OLA1: variants seen among roughly 807,000 people sequenced by gnomAD.
OLA1 encodes obg-like ATPase 1.
A neutral mutation model predicts 48.4 loss-of-function variants in OLA1; 14 were observed. That is an observed-to-expected ratio of 0.29 (90% confidence interval 0.19 to 0.45). The LOEUF (loss-of-function observed/expected upper bound fraction) is 0.45. Ranked by LOEUF, OLA1 falls within the 20% of genes least tolerant of loss-of-function variation. The pLI is 1.00. For synonymous variants in OLA1, 127 were observed against 150.4 expected (o/e 0.84, Z 1.14); for missense variants, 325 against 467.1 (o/e 0.70, Z 2.80).
chr2:174,153,734 C>G lies in OLA1; in HGVS notation c.374-11734G>C, dbSNP rs996296035. ...TTTTAGTTGCTGCAACATAGCAACT[C>G]TTTTCAAAGAAGTAGGCAAAAAAGA... is the stretch of plus-strand genomic sequence containing the variant. On this transcript the variant is annotated intron_variant, in intron 4 of 10. Coordinates refer to ENST00000284719, the MANE Select transcript of OLA1 (RefSeq NM_013341.5). 4.6e-5 allele frequency among the ~76,000 whole-genome samples: 7 copies of G among 152,296 alleles called. 1 individual carries two copies. The highest frequency in any genetic ancestry group is 4.6e-4 in the Admixed American group (7 of 15,298).
At chr2:174,101,536 G>A (rs1365884309) in intron 7 of OLA1, among the ~76,000 whole-genome samples, 2 of 152,046 alleles carry the variant, frequency 1.3e-5, no homozygotes, top group African/African-American at 4.8e-5. Context: ...TTCCTTTTAT[G>A]GTTAGTGCTT....
At chr2:174,139,994 A>G (rs566896327) in intron 5 of OLA1, among the ~76,000 whole-genome samples, 1 of 152,290 alleles carries the variant, frequency 6.6e-6, no homozygotes, top group African/African-American at 2.4e-5. Flanking sequence ...ATGCTAGAGT[A>G]TATTTAACCT....
chr2:174,187,030 C>T (rs571907033), intron 4 of OLA1, among the ~76,000 whole-genome samples: 1 of 152,262 alleles, frequency 6.6e-6, no homozygotes, highest in South Asian at 2.1e-4. Flanking sequence ...TCACAGTGAA[C>T]ACATGCCATT....
At chr2:174,137,455 T>G (rs563135894) in intron 5 of OLA1, among the ~76,000 whole-genome samples, 1 of 152,350 alleles carries the variant, frequency 6.6e-6, no homozygotes, top group Admixed American at 6.5e-5. Context: ...ACCAACCGCA[T>G]TAGCCCTTAA....
intron 7 of OLA1, among the ~76,000 whole-genome samples, chr2:174,122,613 G>A (rs1685938285): frequency 6.6e-6 from 1 of 152,114 alleles, no homozygotes; most frequent in Non-Finnish European, 1.5e-5. Context: ...ATCAGTGATA[G>A]TAACAAATCT....
At chr2:174,142,218 T>C (rs966919590) in intron 4 of OLA1, among the ~76,000 whole-genome samples, 6 of 152,180 alleles carry the variant, frequency 3.9e-5, no homozygotes, top group African/African-American at 1.4e-4. Flanking sequence ...CAAAAATTGA[T>C]TTAAATAAAT....
chr2:174,170,939 T>C (rs981280126), intron 4 of OLA1, among the ~76,000 whole-genome samples: 13 of 152,090 alleles, frequency 8.5e-5, no homozygotes, highest in African/African-American at 3.1e-4. Context: ...TGAAAGTAAA[T>C]GGATGGAAAA....
intron 7 of OLA1, among the ~76,000 whole-genome samples, chr2:174,093,452 G>A (rs1685172336): frequency 6.9e-6 from 1 of 144,090 alleles, no homozygotes; most frequent in Non-Finnish European, 1.5e-5. Flanking sequence ...CTGGGTGACA[G>A]AAGAAGACCT....
intron 7 of OLA1, among the ~76,000 whole-genome samples, chr2:174,110,967 A>G (rs10497418): frequency 0.13 from 20,028 of 152,170 alleles, 1,522 homozygotes; most frequent in East Asian, 0.21. Flanking sequence ...TAGCCAATTA[A>G]CTGTCAATCT....
chr2:174,207,394 T>G (rs1688141648), intron 4 of OLA1, among the ~76,000 whole-genome samples: 1 of 152,168 alleles, frequency 6.6e-6, no homozygotes, highest in Non-Finnish European at 1.5e-5. Flanking sequence ...TAAAACAGAA[T>G]GAAGTCACAT....
chr2:174,248,003 T>C (rs1156489912), intron 1 of OLA1: 5 of 472,158 alleles, frequency 1.1e-5, no homozygotes, highest in Non-Finnish European at 1.9e-5. Context: ...GCCCTGCCCT[T>C]GCAGTAGTAT....
rs547763367 is a variant in OLA1 at position 174,193,469 on chromosome 2, G to T, written c.373+29564C>A. 1.3e-3 allele frequency among the ~76,000 whole-genome samples: 199 copies of T among 152,028 alleles called. 2 individuals are homozygous for T. Among genetic ancestry groups the T allele is most frequent in the Admixed American group, 0.012 (190 of 15,272 alleles). On this transcript the variant is annotated intron_variant, in intron 4 of 10. Coordinates refer to ENST00000284719, the MANE Select transcript of OLA1 (RefSeq NM_013341.5). Reference sequence around the variant, plus strand: ...TTTTAAATACATCTCATGGTTTTTTGTTGTTGTTGTTATTGGAAGCTGATC... The same window carrying T: ...TTTTAAATACATCTCATGGTTTTTTTTTGTTGTTGTTATTGGAAGCTGATC...
intron 7 of OLA1, among the ~76,000 whole-genome samples, chr2:174,105,307 A>G (rs1487611839): frequency 6.6e-6 from 1 of 151,992 alleles, no homozygotes; most frequent in Non-Finnish European, 1.5e-5. Flanking sequence ...TGATGTAAAA[A>G]CAGAAATGCA....
intron 7 of OLA1, among the ~76,000 whole-genome samples, chr2:174,114,051 G>A (rs929900140): frequency 2.0e-5 from 3 of 151,646 alleles, no homozygotes; most frequent in Admixed American, 6.6e-5. Flanking sequence ...TAAATCGGCC[G>A]GGCGCGGTGG....
intron 9 of OLA1, among the ~76,000 whole-genome samples, chr2:174,079,734 T>A (rs1008160986): frequency 6.6e-6 from 1 of 151,838 alleles, no homozygotes; most frequent in Non-Finnish European, 1.5e-5. Flanking sequence ...CACACACACA[T>A]AACCATGGAA....
chr2:174,162,800 T>C (rs1687043709), intron 4 of OLA1, among the ~76,000 whole-genome samples: 1 of 152,108 alleles, frequency 6.6e-6, no homozygotes, highest in Non-Finnish European at 1.5e-5. Flanking sequence ...TCCCAGCCCT[T>C]TGGGAGGCCG....
rs1261673514 is a variant in OLA1 at position 174,247,520 on chromosome 2, G to C, written c.1-705C>G. 3 of 1,224,786 alleles carry C rather than the reference G, an allele frequency of 2.4e-6. No homozygotes were observed. In the African/African-American group the frequency reaches 4.6e-5, roughly 19 times the overall value. The allele number at this position is 1,224,786 out of a possible 1,614,324, so 75.9% of individuals were successfully genotyped here. On this transcript the variant is annotated intron_variant, in intron 1 of 10. Coordinates refer to ENST00000284719, the MANE Select transcript of OLA1 (RefSeq NM_013341.5). ...GTTATATGAAAGAAAGCATTTGGAAGCAAGTACACAGAAGACAGTCAAAGA... is the reference window on the plus strand; with the variant it reads ...GTTATATGAAAGAAAGCATTTGGAACCAAGTACACAGAAGACAGTCAAAGA...
At chr2:174,109,815 G>A (rs1269975213) in intron 7 of OLA1, among the ~76,000 whole-genome samples, 2 of 152,154 alleles carry the variant, frequency 1.3e-5, no homozygotes, top group Non-Finnish European at 1.5e-5. Context: ...CATGATGAGA[G>A]TTAACAAAAT....
At chr2:174,200,380 C>T (rs558411583) in intron 4 of OLA1, among the ~76,000 whole-genome samples, 8 of 152,098 alleles carry the variant, frequency 5.3e-5, no homozygotes, top group African/African-American at 1.4e-4. Flanking sequence ...TTTCTAGGAG[C>T]TACAAAGGAT....
Sources: gnomAD v4.1 joint callset for allele counts (sites outside exome capture counted in the v4.1 genomes callset) on GRCh38, gnomAD v4.1.1 for gene constraint, MANE v1.5 for transcripts, NCBI Gene and HGNC (gene_info 2026-07-23, HGNC 2026-07-21) for gene names.